SH3GL2: variants seen among roughly 807,000 people sequenced by gnomAD.
The protein encoded by SH3GL2 is SH3 domain containing GRB2 like 2, endophilin A1, also known as endophilin-A1.
SH3GL2 carries 24 observed loss-of-function variants against 46.0 expected under a neutral mutation model. That is an observed-to-expected ratio of 0.52 (90% confidence interval 0.38 to 0.73). The LOEUF (loss-of-function observed/expected upper bound fraction) is 0.73. SH3GL2 is among the 30% of genes least tolerant of loss of function. SH3GL2 has a pLI of 0.00. For missense variants in SH3GL2, 413 were observed against 424.2 expected, an observed-to-expected ratio of 0.97 and a Z score of 0.23; for synonymous variants, 196 against 147.1, an observed-to-expected ratio of 1.33 and a Z score of -2.40.
chr9:17,624,873 A>G (rs1003765391), intron 1 of SH3GL2, among the ~76,000 whole-genome samples: 1 of 152,154 alleles, frequency 6.6e-6, no homozygotes, highest in African/African-American at 2.4e-5. Context: ...AGGCTTTGGG[A>G]ACTATCCATT....
chr9:17,726,748 A>G (rs1822029698), intron 1 of SH3GL2, among the ~76,000 whole-genome samples: 3 of 152,178 alleles, frequency 2.0e-5, no homozygotes, highest in Non-Finnish European at 4.4e-5. Flanking sequence ...ATTTAAAACA[A>G]TGATGTATCA....
In SH3GL2 at chr9:17,712,076, G is replaced by A. The variant is rs115032705; in HGVS notation, c.46-34990G>A. ...TCCTTAATGACCAATGATGTTGAGC[G>A]TCTTTTTATGTGCTTTTTTTGCTAT... On this transcript the variant is annotated intron_variant, in intron 1 of 8. Transcript: ENST00000380607. 6.1e-3 allele frequency among the ~76,000 whole-genome samples: 930 copies of A among 151,806 alleles called. 8 individuals carry two copies. Among genetic ancestry groups the A allele is most frequent in the African/African-American group, 0.02 (841 of 41,478 alleles).
intron 2 of SH3GL2, among the ~76,000 whole-genome samples, chr9:17,756,564 G>C (rs2131144245): frequency 6.7e-6 from 1 of 148,280 alleles, no homozygotes; most frequent in East Asian, 2.0e-4. Flanking sequence ...CTATGAGTGA[G>C]AACTTGCGGT....
At chr9:17,685,241 A>G (rs1040421125) in intron 1 of SH3GL2, among the ~76,000 whole-genome samples, 8 of 152,054 alleles carry the variant, frequency 5.3e-5, no homozygotes, top group African/African-American at 1.7e-4. Context: ...CAAAATTCAT[A>G]GGACATGTTT....
intron 1 of SH3GL2, among the ~76,000 whole-genome samples, chr9:17,586,733 G>C (rs1818384272): frequency 6.6e-6 from 1 of 152,096 alleles, no homozygotes; most frequent in African/African-American, 2.4e-5. Context: ...TCACTATCAC[G>C]AGAACAGTGT....
intron 1 of SH3GL2, among the ~76,000 whole-genome samples, chr9:17,741,957 G>C (rs1822540142): frequency 6.6e-6 from 1 of 152,118 alleles, no homozygotes; most frequent in Admixed American, 6.5e-5. Flanking sequence ...AGAATTTGAA[G>C]AGTAGAAAAG....
chr9:17,595,483 G>A (rs1157998612), intron 1 of SH3GL2, among the ~76,000 whole-genome samples: 1 of 152,170 alleles, frequency 6.6e-6, no homozygotes, highest in African/African-American at 2.4e-5. Flanking sequence ...TATGGTGGGA[G>A]TGTAAACTGT....
intron 1 of SH3GL2, among the ~76,000 whole-genome samples, chr9:17,688,533 C>T (rs949534576): frequency 2.4e-4 from 36 of 151,942 alleles, no homozygotes; most frequent in African/African-American, 8.7e-4. Flanking sequence ...TTTCCAATAC[C>T]ATCCTTCAGT....
At chr9:17,707,239 C>G (rs1177760421) in intron 1 of SH3GL2, among the ~76,000 whole-genome samples, 1 of 152,040 alleles carries the variant, frequency 6.6e-6, no homozygotes, top group Non-Finnish European at 1.5e-5. Context: ...AATGACATAT[C>G]AACTACCACT....
At chr9:17,742,690 T>C (rs1368383976) in intron 1 of SH3GL2, among the ~76,000 whole-genome samples, 2 of 152,050 alleles carry the variant, frequency 1.3e-5, no homozygotes, top group Non-Finnish European at 2.9e-5. Context: ...AAGAGGAAAA[T>C]GAGATTTTTA....
At chr9:17,766,701 G>T (rs1240061353) in intron 3 of SH3GL2, among the ~76,000 whole-genome samples, 2 of 151,488 alleles carry the variant, frequency 1.3e-5, no homozygotes, top group Admixed American at 6.6e-5. Flanking sequence ...CTGGATTTCG[G>T]TCTGTATTTT....
At chr9:17,708,668 A>G (rs966042003) in intron 1 of SH3GL2, among the ~76,000 whole-genome samples, 1 of 151,978 alleles carries the variant, frequency 6.6e-6, no homozygotes, top group Admixed American at 6.6e-5. Context: ...TCATGTGGCT[A>G]AGATAATGCC....
intron 1 of SH3GL2, among the ~76,000 whole-genome samples, chr9:17,703,513 T>C (rs1821388533): frequency 2.0e-5 from 3 of 151,796 alleles, no homozygotes; most frequent in South Asian, 4.2e-4. Context: ...AAAACATCAG[T>C]CCAGTATCCT....
chr9:17,610,836 G>A (rs1206535824), intron 1 of SH3GL2, among the ~76,000 whole-genome samples: 1 of 152,010 alleles, frequency 6.6e-6, no homozygotes, highest in East Asian at 1.9e-4. Flanking sequence ...AATGAGAGTT[G>A]TCTTATGTTA....
chr9:17,718,013 G>T (rs1821802643), intron 1 of SH3GL2, among the ~76,000 whole-genome samples: 1 of 152,034 alleles, frequency 6.6e-6, no homozygotes, highest in African/African-American at 2.4e-5. Flanking sequence ...AGGTTATTTG[G>T]GCTTGGCTCT....
At chr9:17,731,089 A>G (rs1442372791) in intron 1 of SH3GL2, among the ~76,000 whole-genome samples, 6 of 152,122 alleles carry the variant, frequency 3.9e-5, no homozygotes, top group African/African-American at 1.2e-4. Flanking sequence ...AAAACGTTGT[A>G]TAGTCCTTGT....
intron 2 of SH3GL2, among the ~76,000 whole-genome samples, chr9:17,747,723 G>A (rs1402250960): frequency 2.6e-5 from 4 of 151,984 alleles, no homozygotes; most frequent in African/African-American, 9.7e-5. Context: ...TGCCCAAGCT[G>A]GAGTGCAGTG....
intron 3 of SH3GL2, among the ~76,000 whole-genome samples, chr9:17,763,259 A>G (rs1219572128): frequency 6.6e-6 from 1 of 152,200 alleles, no homozygotes; most frequent in Non-Finnish European, 1.5e-5. Context: ...TGTTGTAGGT[A>G]GGTGTGGTGG....
chr9:17,783,433 A>G (rs769063507), intron 3 of SH3GL2, among the ~76,000 whole-genome samples: 1 of 151,378 alleles, frequency 6.6e-6, no homozygotes, highest in African/African-American at 2.4e-5. Flanking sequence ...TCACATGGAC[A>G]CTGCTTTTAG....
Sources: allele counts gnomAD v4.1 joint callset (sites outside exome capture counted in the v4.1 genomes callset), GRCh38; gene constraint gnomAD v4.1.1; transcripts MANE v1.5; gene names NCBI Gene and HGNC (gene_info 2026-07-23, HGNC 2026-07-21).